PLP1: variants seen among roughly 807,000 people sequenced by gnomAD.
PLP1 encodes myelin proteolipid protein.
Under a neutral mutation model 18.5 loss-of-function variants are expected in PLP1, and 2 were observed. The observed-to-expected ratio is 0.11, with a 90% CI of 0.04 to 0.34. The LOEUF is 0.34. Ranked by LOEUF, PLP1 falls within the 10% of genes least tolerant of loss-of-function variation. The pLI is 1.00. For missense variants in PLP1, 105 were observed against 207.3 expected (o/e 0.51, Z 3.03); for synonymous variants, 86 against 83.2 (o/e 1.03, Z -0.19).
Position 103,787,923 on chromosome X carries a change from C to T in PLP1, c.579C>T (p.Thr193=), listed in dbSNP as rs778217267. Reference sequence around the variant, plus strand: ...AGTCTATTGCCTTCCCCAGCAAGACCTCTGCCAGTATAGGCAGTCTCTGTG... The same window carrying T: ...AGTCTATTGCCTTCCCCAGCAAGACTTCTGCCAGTATAGGCAGTCTCTGTG... ...TCQSIAFPSK[T]SASIGSLCAD... The change falls in exon 4 of 7, where the codon ACC becomes ACT. Residue 193 remains threonine, a synonymous_variant. Transcript: ENST00000621218. 92 of 1,209,167 alleles carry T rather than the reference C, an allele frequency of 7.6e-5. No individual in the cohort carries two copies. The highest frequency in any genetic ancestry group is 4.6e-4 in the Middle Eastern group (2 of 4,356).
chrX:103,789,023 T>C (rs113649764), intron 5 of PLP1: 1 of 363,167 alleles, frequency 2.8e-6, no homozygotes, highest in East Asian at 5.0e-5. Flanking sequence ...CAGTAAATTA[T>C]TTCTTTGACA....
chrX:103,780,526 G>A (rs751626999), intron 1 of PLP1, among the ~76,000 whole-genome samples: 12 of 109,973 alleles, frequency 1.1e-4, no homozygotes, highest in Non-Finnish European at 1.9e-4. Context: ...TGCTGTTGCC[G>A]TGGTAATACT....
chrX:103,789,905 C>T (rs1017129648), intron 6 of PLP1, among the ~76,000 whole-genome samples: 7 of 111,949 alleles, frequency 6.3e-5, no homozygotes, highest in African/African-American at 2.3e-4. Flanking sequence ...TAATACAATG[C>T]TATGTCCCAG....
rs752393093 is a variant in PLP1 at position 103,789,371 on chromosome X, G to A, written c.735G>A (p.Val245=). 1 of 1,207,531 alleles carries A rather than the reference G, an allele frequency of 8.3e-7. No homozygotes were observed. Among genetic ancestry groups the A allele is most frequent in the East Asian group, 3.0e-5 (1 of 33,867 alleles). ...MTFHLFIAAF[V]GAAATLVSLL... ...TCCACCTGTTTATTGCTGCATTTGT[G>A]GGGGCTGCAGCTACACTGGTTTCCC... is the stretch of plus-strand genomic sequence containing the variant. The change falls in exon 6 of 7, where the codon GTG becomes GTA. Residue 245 remains valine, a synonymous_variant. Transcript: ENST00000621218.
At chrX:103,785,487 C>A in intron 1 of PLP1, 95 bp from the exon 2 acceptor site, 1 of 795,249 alleles carries the variant, frequency 1.3e-6, no homozygotes. Flanking sequence ...TGCCCACTAT[C>A]TCCGAGCCTG....
intron 2 of PLP1, 183 bp from the exon 3 acceptor site, chrX:103,786,280 CCT>C: frequency 1.8e-6 from 2 of 1,088,155 alleles, no homozygotes; most frequent in Non-Finnish European, 2.5e-6. Context: ...TCACATACAC[CCT>C]GTCTTCACTT....
At position 103,776,872 on chromosome X, in the gene PLP1, T is replaced by C; in HGVS notation, c.-124T>C. Reference sequence around the variant, plus strand: ...TTGCAGGAGAAGAGGACAAAGATACTCAGAGAGAAAAAGTAAAAGACCGAA... The same window carrying C: ...TTGCAGGAGAAGAGGACAAAGATACCCAGAGAGAAAAAGTAAAAGACCGAA... On this transcript the variant is annotated 5_prime_UTR_variant, in exon 1 of 7. Coordinates refer to ENST00000621218, the MANE Select transcript of PLP1 (RefSeq NM_000533.5). The C allele has an allele frequency of 2.9e-6, 2 of 678,045 alleles. No individual in the cohort carries two copies. The highest frequency in any genetic ancestry group is 2.3e-6 in the Non-Finnish European group (1 of 427,036). 55.9% of individuals were successfully genotyped at this position (678,045 alleles called of 1,213,427 possible).
At chrX:103,789,860 AG>A (rs1273584791) in intron 6 of PLP1, among the ~76,000 whole-genome samples, 1 of 111,632 alleles carries the variant, frequency 9.0e-6, no homozygotes, top group Non-Finnish European at 1.9e-5. Context: ...AAATACTGGG[AG>A]GACCTCCTAA....
chrX:103,787,718 C>A, intron 3 of PLP1, 80 bp from the exon 4 acceptor site: 2 of 853,872 alleles, frequency 2.3e-6, no homozygotes, highest in South Asian at 4.0e-5. Flanking sequence ...TGGCACACGC[C>A]ACTCCAGGAT....
chrX:103,787,640 C>T, intron 3 of PLP1, 158 bp from the exon 4 acceptor site: 2 of 515,667 alleles, frequency 3.9e-6, no homozygotes, highest in South Asian at 5.3e-5. Context: ...CTGCCAATTA[C>T]CCTTGGCAGA....
intron 1 of PLP1, among the ~76,000 whole-genome samples, chrX:103,778,582 A>G: frequency 9.0e-6 from 1 of 111,434 alleles, no homozygotes; most frequent in South Asian, 3.9e-4. Context: ...AGGAACAAAT[A>G]AAGTGACCAC....
At chrX:103,788,665 C>A in intron 5 of PLP1, 155 bp downstream of exon 5, 1 of 547,756 alleles carries the variant, frequency 1.8e-6, no homozygotes, top group Non-Finnish European at 3.3e-6. Context: ...GTGCCTGAGC[C>A]AATGAGCATA....
chrX:103,789,228 C>A, intron 5 of PLP1, 105 bp from the exon 6 acceptor site: 1 of 657,383 alleles, frequency 1.5e-6, no homozygotes, highest in Non-Finnish European at 2.6e-6. Context: ...GGAATTAGCA[C>A]ACAAGAAAGA....
Position 103,786,558 on chromosome X carries a change from C to G in PLP1, c.285C>G (p.Gly95=), listed in dbSNP as rs751404730. ...TGGCTGAGGGCTTCTACACCACCGGCGCAGTCAGGCAGATCTTTGGCGACT... is the reference window on the plus strand; with the variant it reads ...TGGCTGAGGGCTTCTACACCACCGGGGCAGTCAGGCAGATCTTTGGCGACT... ...LLLAEGFYTT[G]AVRQIFGDYK... Residue 95 remains glycine, a synonymous_variant, in exon 3 of 7, where the codon GGC becomes GGG. Coordinates refer to ENST00000621218, the MANE Select transcript of PLP1 (RefSeq NM_000533.5). 1 of 1,209,366 alleles carries G rather than the reference C, an allele frequency of 8.3e-7. No homozygotes were observed. Among genetic ancestry groups the G allele is most frequent in the Admixed American group, 2.2e-5 (1 of 45,703 alleles).
rs150364583 is a variant in PLP1, at chrX:103,781,828, G to C, written c.5-3754G>C. Among the ~76,000 whole-genome samples the C allele has an allele frequency of 9.7e-3, 1,088 of 112,188 alleles. 11 individuals carry two copies. Among genetic ancestry groups the C allele is most frequent in the African/African-American group, 0.033 (1,009 of 30,879 alleles). On this transcript the variant is annotated intron_variant, in intron 1 of 6. Transcript: ENST00000621218. Reference sequence around the variant, plus strand: ...TCTCTCATCTCGCAGTCTGTACTTAGACTGGAAATGTGAGAATGTCTCTTG... The same window carrying C: ...TCTCTCATCTCGCAGTCTGTACTTACACTGGAAATGTGAGAATGTCTCTTG...
chrX:103,788,789 A>T, intron 5 of PLP1: 1 of 362,082 alleles, frequency 2.8e-6, no homozygotes, highest in Non-Finnish European at 4.8e-6. Flanking sequence ...TAATGGCAAA[A>T]TCCCCCACAT....
intron 1 of PLP1, 61 bp from the exon 2 acceptor site, chrX:103,785,521 G>A: frequency 2.0e-6 from 2 of 1,022,375 alleles, no homozygotes; most frequent in Non-Finnish European, 2.8e-6. Context: ...TGGCAGAGGG[G>A]TTTGAGTGGC....
At position 103,785,712 on chromosome X, in the gene PLP1, G is replaced by A. The variant is rs11543021; in HGVS notation, c.135G>A (p.Lys45=). 1 of 1,210,589 alleles carries A rather than the reference G, an allele frequency of 8.3e-7. No individual in the cohort carries two copies. The highest frequency in any genetic ancestry group is 1.7e-5 in the African/African-American group (1 of 57,752). ...ATGAAGCCCTCACTGGCACAGAAAA[G>A]CTAATTGAGACCTATTTCTCCAAAA... The part of the protein sequence containing the change: ...CGHEALTGTE[K]LIETYFSKNY... The change falls in exon 2 of 7, where the codon AAG becomes AAA. Residue 45 remains lysine, a synonymous_variant. Transcript: ENST00000621218.
At position 103,786,556 on chromosome X, in the gene PLP1, G is replaced by A; in HGVS notation, c.283G>A (p.Gly95Ser). The A allele has an allele frequency of 8.3e-7, 1 of 1,211,128 alleles. No individual in the cohort carries two copies. Among genetic ancestry groups the A allele is most frequent in the Non-Finnish European group, 1.1e-6 (1 of 895,248 alleles). ...LLLAEGFYTT[G>S]AVRQIFGDYK... ...GCTGGCTGAGGGCTTCTACACCACC[G>A]GCGCAGTCAGGCAGATCTTTGGCGA... The change falls in exon 3 of 7, where the codon GGC becomes AGC. Residue 95 changes from glycine (G) to serine (S), a missense_variant. Gly to Ser is a moderately conservative substitution (Grantham distance 56, BLOSUM62 0). Transcript: ENST00000621218.
Sources: allele counts gnomAD v4.1 joint callset (sites outside exome capture counted in the v4.1 genomes callset), GRCh38; gene constraint gnomAD v4.1.1; transcripts MANE v1.5; gene names NCBI Gene and HGNC (gene_info 2026-07-23, HGNC 2026-07-21).